Variants in SNRNP25 observed in about 807,000 individuals in gnomAD.
SNRNP25 encodes the protein U11/U12 small nuclear ribonucleoprotein 25 kDa protein.
Under a neutral mutation model 23.9 loss-of-function variants are expected in SNRNP25, and 21 were observed. The observed-to-expected ratio is 0.88, with a 90% CI of 0.62 to 1.27. The LOEUF (loss-of-function observed/expected upper bound fraction) is 1.27. Among genes scored for constraint, SNRNP25 ranks in the 50% most tolerant of loss-of-function variants. The probability of loss-of-function intolerance (pLI) is 0.00; values close to 1 mark genes in which losing one functional copy is unlikely to be tolerated. For missense variants in SNRNP25, 160 were observed against 156.9 expected, an observed-to-expected ratio of 1.02 and a Z score of -0.11; for synonymous variants, 63 against 60.4, an observed-to-expected ratio of 1.04 and a Z score of -0.20.
chr16:54,335 C>T (rs984057305), intron 1 of SNRNP25, among the ~76,000 whole-genome samples: 4 of 152,168 alleles, frequency 2.6e-5, no homozygotes, highest in Admixed American at 1.3e-4. Flanking sequence ...CTGCGTTGCC[C>T]GGGCTGGAGT....
Position 57,384 on chromosome 16 carries a change from C to A in SNRNP25, c.*241C>A, listed in dbSNP as rs900028585. The A allele has an allele frequency of 1.7e-6, 1 of 573,346 alleles. No individual in the cohort carries two copies. The highest frequency in any genetic ancestry group is 3.0e-5 in the Admixed American group (1 of 33,500). The allele number at this position is 573,346 out of a possible 1,614,324, so 35.5% of individuals were successfully genotyped here. A position where few individuals can be genotyped will look rare whatever the true frequency, so the allele number is the denominator to read the frequency against. Reference sequence around the variant, plus strand: ...TGACCTCTCCCTAGGTCCAAATGCCCTAGTCACATGGCAGACCCACGGCCT... The same window carrying A: ...TGACCTCTCCCTAGGTCCAAATGCCATAGTCACATGGCAGACCCACGGCCT... On this transcript the variant is annotated 3_prime_UTR_variant, in exon 5 of 5. Transcript: ENST00000293861.
chr16:56,816 G>A (rs1359085800), intron 4 of SNRNP25, among the ~76,000 whole-genome samples: 1 of 152,244 alleles, frequency 6.6e-6, no homozygotes, highest in Non-Finnish European at 1.5e-5. Flanking sequence ...TGGCAGCTTA[G>A]GGCTACACAG....
At chr16:54,443 T>C (rs1020296914) in intron 1 of SNRNP25, among the ~76,000 whole-genome samples, 1 of 151,302 alleles carries the variant, frequency 6.6e-6, no homozygotes, top group African/African-American at 2.4e-5. Flanking sequence ...ACAGAGGGAG[T>C]CTCACTATGT....
chr16:56,438 C>A, intron 3 of SNRNP25, 101 bp from the exon 4 acceptor site: 2 of 1,096,256 alleles, frequency 1.8e-6, no homozygotes, highest in Non-Finnish European at 2.8e-6. Context: ...GGACAGCTGC[C>A]CCAGGTCCCA....
At chr16:56,173 G>C in intron 3 of SNRNP25, 1 of 631,890 alleles carries the variant, frequency 1.6e-6, no homozygotes, top group Admixed American at 2.2e-5. Context: ...GGAATTTCCA[G>C]TGTGTCTGGA....
At position 55,557 on chromosome 16, in the gene SNRNP25, C is replaced by T; in HGVS notation, c.133+8C>T. 6.2e-7 allele frequency: 1 copy of T among 1,613,648 alleles called. No individual in the cohort carries two copies. The highest frequency in any genetic ancestry group is 8.5e-7 in the Non-Finnish European group (1 of 1,179,628). On this transcript the variant is annotated splice_region_variant and intron_variant, in intron 2 of 4. Transcript: ENST00000293861. ...TGGATGGAGAAGTAATGCGTAAGTG[C>T]TACCCTCCTCCCTTCAGGTTATGTG...
Position 53,986 on chromosome 16 carries a change from G to A in SNRNP25, c.-31G>A, listed in dbSNP as rs754655062. On this transcript the variant is annotated 5_prime_UTR_variant, in exon 1 of 5. Transcript: ENST00000293861. ...AAGAAGAGGCGCTGCCGCACTCCGA[G>A]GCCATGGACGTGTTCCAGGAGGGTC... 1.2e-6 allele frequency: 2 copies of A among 1,608,746 alleles called. No homozygotes were observed. The highest frequency in any genetic ancestry group is 8.5e-7 in the Non-Finnish European group (1 of 1,178,338).
Position 55,777 on chromosome 16 carries a change from C to T in SNRNP25, c.134C>T (p.Pro45Leu). The T allele has an allele frequency of 6.2e-7, 1 of 1,614,042 alleles. No homozygotes were observed. Among genetic ancestry groups the T allele is most frequent in the Non-Finnish European group, 8.5e-7 (1 of 1,179,944 alleles). ...RVCKMDGEVM[P>L]VVVVQSATVL... ...CTCCCATCTGTGTCCGTGGTTGCAG[C>T]CGTGGTTGTAGTGCAGAGTGCCACA... The change falls in exon 3 of 5, where the codon CCC (proline) becomes CTC (leucine). Residue 45 changes from proline (P) to leucine (L), a missense_variant and splice_region_variant. By Grantham distance (98) the Pro-to-Leu change is moderately conservative (BLOSUM62 -3). Coordinates refer to ENST00000293861, the MANE Select transcript of SNRNP25 (RefSeq NM_024571.4).
rs1022468317 is a variant in SNRNP25 at position 57,130 on chromosome 16, T to C, written c.359T>C (p.Leu120Pro). ...GACGAGGTTTCCTTCATCAAAAAGCTGAGGCAAAAGTGAGCCTCCAGACAG... is the reference window on the plus strand; with the variant it reads ...GACGAGGTTTCCTTCATCAAAAAGCCGAGGCAAAAGTGAGCCTCCAGACAG... Reference protein sequence around the residue: ...NRDEVSFIKKLRQK With the variant: ...NRDEVSFIKKPRQK The change falls in exon 5 of 5, where the codon CTG becomes CCG. Residue 120 changes from leucine (L) to proline (P), a missense_variant. By Grantham distance (98) the Leu-to-Pro change is moderately conservative. Coordinates refer to ENST00000293861, the MANE Select transcript of SNRNP25 (RefSeq NM_024571.4). 1 of 1,613,984 alleles carries C rather than the reference T, an allele frequency of 6.2e-7. No individual in the cohort carries two copies. Among genetic ancestry groups the C allele is most frequent in the African/African-American group, 1.3e-5 (1 of 74,940 alleles).
chr16:56,573 G>A lies in SNRNP25; in HGVS notation c.274G>A (p.Ala92Thr). Residue 92 changes from alanine (A) to threonine (T), a missense_variant, in exon 4 of 5, where the codon GCA (alanine) becomes ACA (threonine). Transcript: ENST00000293861. ...GTGGAGGACGTACCATCTGACCTCT[G>A]CAGGAGAGAAACTCACGGAAGACAG... is the stretch of plus-strand genomic sequence containing the variant. ...YVWRTYHLTS[A>T]GEKLTEDRKK... The A allele has an allele frequency of 6.2e-7, 1 of 1,614,046 alleles. No individual in the cohort carries two copies.
At chr16:56,341 C>T (rs368527463) in intron 3 of SNRNP25, 198 bp from the exon 4 acceptor site, 60 of 718,726 alleles carry the variant, frequency 8.3e-5, no homozygotes, top group East Asian at 3.5e-4. Flanking sequence ...TTGGCCAAGC[C>T]GCCCCAGACA....
At position 57,654 on chromosome 16, in the gene SNRNP25, G is replaced by C. The variant is rs537850473; in HGVS notation, c.*511G>C. The C allele has an allele frequency of 6.2e-6, 1 of 161,046 alleles. No homozygotes were observed. Among genetic ancestry groups the C allele is most frequent in the South Asian group, 1.7e-4 (1 of 5,730 alleles). The allele number at this position is 161,046 out of a possible 1,614,324, so 10.0% of individuals were successfully genotyped here. Reference sequence around the variant, plus strand: ...AGCAAGGAGGAAATAAAAGCAGAGCGGCTTTAGGGTTTGCATCCTGGAGCT... The same window carrying C: ...AGCAAGGAGGAAATAAAAGCAGAGCCGCTTTAGGGTTTGCATCCTGGAGCT... On this transcript the variant is annotated 3_prime_UTR_variant, in exon 5 of 5. Transcript: ENST00000293861.
chr16:55,328 C>G, intron 1 of SNRNP25, 131 bp from the exon 2 acceptor site: 1 of 746,744 alleles, frequency 1.3e-6, no homozygotes, highest in East Asian at 2.5e-5. Flanking sequence ...CCATAACGTA[C>G]AGGCAACCAC....
intron 3 of SNRNP25, 137 bp downstream of exon 3, chr16:56,019 C>A: frequency 1.3e-6 from 1 of 792,324 alleles, no homozygotes; most frequent in Non-Finnish European, 2.0e-6. Flanking sequence ...AGCTCCCTGT[C>A]ACAAGAGTGA....
chr16:56,594 G>T lies in SNRNP25; in HGVS notation c.295G>T (p.Asp99Tyr). The change falls in exon 4 of 5, where the codon GAC becomes TAC. Residue 99 changes from aspartate to tyrosine, a missense_variant. Coordinates refer to ENST00000293861, the MANE Select transcript of SNRNP25 (RefSeq NM_024571.4). ...LTSAGEKLTEDRKKLRDYGIR... is the reference protein window; with the variant it reads ...LTSAGEKLTEYRKKLRDYGIR... ...CTCTGCAGGAGAGAAACTCACGGAAGACAGAAAGAAGCTCCGAGAGTAAGT... is the reference window on the plus strand; with the variant it reads ...CTCTGCAGGAGAGAAACTCACGGAATACAGAAAGAAGCTCCGAGAGTAAGT... 3 of 1,614,050 alleles carry T rather than the reference G, an allele frequency of 1.9e-6. No homozygotes were observed. Among genetic ancestry groups the T allele is most frequent in the Non-Finnish European group, 2.5e-6 (3 of 1,180,032 alleles).
At chr16:56,649 G>A (rs749245521) in intron 4 of SNRNP25, 36 bp downstream of exon 4, 25 of 1,604,100 alleles carry the variant, frequency 1.6e-5, no homozygotes, top group African/African-American at 6.7e-5. Flanking sequence ...GTAGGGCACC[G>A]CTGTTCTGTT....
chr16:53,866 G>A lies in SNRNP25; in HGVS notation c.-151G>A. 4.1e-6 allele frequency: 6 copies of A among 1,469,098 alleles called. No homozygotes were observed. Among genetic ancestry groups the A allele is most frequent in the South Asian group, 3.7e-5 (3 of 82,082 alleles). The allele number at this position is 1,469,098 out of a possible 1,614,324, so 91.0% of individuals were successfully genotyped here. A position where few individuals can be genotyped will look rare whatever the true frequency, so the allele number is the denominator to read the frequency against. ...GTGCGCGCTTGGCCTCCCTAGTGCG[G>A]GCTGGCAGTGCGGGCAGAGCCCGGC... is the stretch of plus-strand genomic sequence containing the variant. On this transcript the variant is annotated 5_prime_UTR_variant, in exon 1 of 5. Coordinates refer to ENST00000293861, the MANE Select transcript of SNRNP25 (RefSeq NM_024571.4).
chr16:55,917 T>C (rs1897400961), intron 3 of SNRNP25, 35 bp downstream of exon 3: 1 of 1,578,588 alleles, frequency 6.3e-7, no homozygotes, highest in Non-Finnish European at 8.7e-7. Context: ...TTATAGCCCT[T>C]CGTGGGGCTA....
At position 53,877 on chromosome 16, in the gene SNRNP25, C is replaced by T. The variant is rs1897372490; in HGVS notation, c.-140C>T. ...GCCTCCCTAGTGCGGGCTGGCAGTGCGGGCAGAGCCCGGCTGAGAGGGGCG... is the reference window on the plus strand; with the variant it reads ...GCCTCCCTAGTGCGGGCTGGCAGTGTGGGCAGAGCCCGGCTGAGAGGGGCG... On this transcript the variant is annotated 5_prime_UTR_variant, in exon 1 of 5. Transcript: ENST00000293861. 4 of 1,468,798 alleles carry T rather than the reference C, an allele frequency of 2.7e-6. No individual in the cohort carries two copies. The highest frequency in any genetic ancestry group is 1.4e-5 in the African/African-American group (1 of 70,558). 91.0% of individuals were successfully genotyped at this position (1,468,798 alleles called of 1,614,324 possible).
Sources: allele counts gnomAD v4.1 joint callset (sites outside exome capture counted in the v4.1 genomes callset), GRCh38; gene constraint gnomAD v4.1.1; transcripts MANE v1.5; gene names NCBI Gene and HGNC (gene_info 2026-07-23, HGNC 2026-07-21).